The following IL1RAPL1 variants were observed in gnomAD, a reference collection of about 807,000 sequenced individuals.
IL1RAPL1 encodes interleukin 1 receptor accessory protein like 1.
IL1RAPL1 carries 3 observed loss-of-function variants against 48.4 expected under a neutral mutation model. That is an observed-to-expected ratio of 0.06 (90% CI 0.03 to 0.16). The LOEUF (loss-of-function observed/expected upper bound fraction) is 0.16. Among genes scored for constraint, IL1RAPL1 ranks in the 10% least tolerant of loss-of-function variants. The pLI is 1.00. For missense variants in IL1RAPL1, 349 were observed against 530.6 expected, an observed-to-expected ratio of 0.66 and a Z score of 3.36; for synonymous variants, 185 against 187.7, an observed-to-expected ratio of 0.99 and a Z score of 0.12.
chrX:29,558,934 C>G (rs190406741), intron 5 of IL1RAPL1, among the ~76,000 whole-genome samples: 44 of 111,312 alleles, frequency 4.0e-4, no homozygotes, highest in African/African-American at 1.2e-3. Flanking sequence ...TTTACTATAG[C>G]CTTGTAGTGT....
At position 29,321,248 on chromosome X, in the gene IL1RAPL1, TAG is replaced by T. The variant is rs760258666; in HGVS notation, c.362+38039_362+38040del. Among the ~76,000 whole-genome samples the T allele has an allele frequency of 1.6e-3, 177 of 111,488 alleles. 1 individual carries two copies. The highest frequency in any genetic ancestry group is 5.7e-3 in the African/African-American group (174 of 30,644). On this transcript the variant is annotated intron_variant, in intron 3 of 10. Transcript: ENST00000378993. ...AAATGGTTTTGTTCTTTCTAAAAGG[TAG>T]AGAGAGAATTTTGCCCACAGACAGA...
chrX:29,460,211 G>T (rs771570054), intron 5 of IL1RAPL1, among the ~76,000 whole-genome samples: 1 of 111,936 alleles, frequency 8.9e-6, no homozygotes, highest in Non-Finnish European at 1.9e-5. Flanking sequence ...AGATCCCTGT[G>T]CCCAGTGCTT....
chrX:29,608,553 G>C (rs554086164), intron 5 of IL1RAPL1, among the ~76,000 whole-genome samples: 16 of 111,465 alleles, frequency 1.4e-4, no homozygotes, highest in African/African-American at 4.9e-4. Flanking sequence ...GAGGCCGGGC[G>C]CGGTGGCTTA....
intron 5 of IL1RAPL1, among the ~76,000 whole-genome samples, chrX:29,525,525 A>C (rs780521368): frequency 1.8e-5 from 2 of 111,929 alleles, no homozygotes; most frequent in East Asian, 5.6e-4. Context: ...TGATCAGTCA[A>C]GTCTCTAATC....
intron 5 of IL1RAPL1, among the ~76,000 whole-genome samples, chrX:29,472,008 T>C (rs1361732504): frequency 2.7e-5 from 3 of 111,881 alleles, no homozygotes; most frequent in African/African-American, 9.8e-5. Context: ...TAGCCAGTCA[T>C]CTTGATAGAG....
intron 5 of IL1RAPL1, among the ~76,000 whole-genome samples, chrX:29,562,817 A>G (rs148138406): frequency 0.058 from 6,522 of 111,792 alleles, 185 homozygotes; most frequent in Middle Eastern, 0.094. Context: ...GTTAGTGGCA[A>G]TCATAAAAAC....
intron 6 of IL1RAPL1, among the ~76,000 whole-genome samples, chrX:29,836,197 T>C (rs1433557825): frequency 9.2e-5 from 3 of 32,667 alleles, no homozygotes; most frequent in Non-Finnish European, 3.4e-4. Context: ...TCTTTTTTTT[T>C]TTTTTTTTTT....
At chrX:29,296,085 A>AG (rs1932445530) in intron 3 of IL1RAPL1, among the ~76,000 whole-genome samples, 1 of 112,276 alleles carries the variant, frequency 8.9e-6, no homozygotes, top group South Asian at 3.7e-4. Flanking sequence ...GGAAGAAGTC[A>AG]GGCAGAGATG....
chrX:29,565,774 T>G (rs1424247985), intron 5 of IL1RAPL1, among the ~76,000 whole-genome samples: 2 of 111,946 alleles, frequency 1.8e-5, no homozygotes, highest in African/African-American at 6.5e-5. Context: ...CACAGAGATA[T>G]TATTTATTTT....
intron 1 of IL1RAPL1, among the ~76,000 whole-genome samples, chrX:28,617,974 A>G (rs1300669491): frequency 8.9e-6 from 1 of 112,099 alleles, no homozygotes; most frequent in Non-Finnish European, 1.9e-5. Context: ...TTGTAAGGCT[A>G]CTTAAAAGAT....
At chrX:29,558,756 A>G (rs1047587123) in intron 5 of IL1RAPL1, among the ~76,000 whole-genome samples, 1 of 111,854 alleles carries the variant, frequency 8.9e-6, no homozygotes, top group Non-Finnish European at 1.9e-5. Flanking sequence ...GAGTGTGGAT[A>G]TACAATTTTC....
At chrX:29,440,647 A>G (rs543324680) in intron 5 of IL1RAPL1, among the ~76,000 whole-genome samples, 2 of 112,445 alleles carry the variant, frequency 1.8e-5, no homozygotes, top group Admixed American at 9.4e-5. Flanking sequence ...GACATTTGAA[A>G]CACAATTACC....
At chrX:29,668,381 A>C in intron 5 of IL1RAPL1, 49 bp from the exon 6 acceptor site, 1 of 1,037,613 alleles carries the variant, frequency 9.6e-7, no homozygotes, top group Non-Finnish European at 1.4e-6. Context: ...TTTTAGTTTT[A>C]TGCAGCATAA....
At chrX:29,485,167 A>T (rs763629247) in intron 5 of IL1RAPL1, among the ~76,000 whole-genome samples, 2 of 112,380 alleles carry the variant, frequency 1.8e-5, no homozygotes, top group South Asian at 7.3e-4. Flanking sequence ...TAGAAAAATA[A>T]CCAAAATGAG....
At chrX:29,842,233 A>G (rs113578500) in intron 6 of IL1RAPL1, among the ~76,000 whole-genome samples, 172 of 112,211 alleles carry the variant, frequency 1.5e-3, no homozygotes, top group African/African-American at 5.3e-3. Context: ...ATGGCAATGT[A>G]CTCAAAAGAA....
chrX:29,098,681 T>C (rs1928267527), intron 2 of IL1RAPL1, among the ~76,000 whole-genome samples: 1 of 111,760 alleles, frequency 8.9e-6, no homozygotes, highest in African/African-American at 3.3e-5. Flanking sequence ...CCTGAGAGTT[T>C]GAGAAGCACT....
At position 29,955,964 on chromosome X, in the gene IL1RAPL1, G is replaced by GT; in HGVS notation, c.*150dup. 5.9e-6 allele frequency: 3 copies of GT among 509,507 alleles called. No individual in the cohort carries two copies. Among genetic ancestry groups the GT allele is most frequent in the Non-Finnish European group, 1.0e-5 (3 of 286,396 alleles). The allele number at this position is 509,507 out of a possible 1,213,427, so 42.0% of individuals were successfully genotyped here. Reference sequence around the variant, plus strand: ...AGGAAAAACAGGGTCTTGTACATATGTTTTTTGGAATTTCTTTGTAGCATC... The same window carrying GT: ...AGGAAAAACAGGGTCTTGTACATATGTTTTTTTGGAATTTCTTTGTAGCATC... On this transcript the variant is annotated 3_prime_UTR_variant, in exon 11 of 11. Coordinates refer to ENST00000378993, the MANE Select transcript of IL1RAPL1 (RefSeq NM_014271.4).
intron 6 of IL1RAPL1, among the ~76,000 whole-genome samples, chrX:29,727,660 G>C: frequency 9.0e-6 from 1 of 111,220 alleles, no homozygotes; most frequent in East Asian, 2.8e-4. Context: ...CCTTTCCCTT[G>C]ATGCTATATT....
At chrX:29,632,539 A>C (rs1924813827) in intron 5 of IL1RAPL1, among the ~76,000 whole-genome samples, 1 of 111,923 alleles carries the variant, frequency 8.9e-6, no homozygotes, top group Non-Finnish European at 1.9e-5. Flanking sequence ...ACATATAAAA[A>C]TTAAAATGTT....
Sources: gnomAD v4.1 joint callset for allele counts (sites outside exome capture counted in the v4.1 genomes callset) on GRCh38, gnomAD v4.1.1 for gene constraint, MANE v1.5 for transcripts, NCBI Gene and HGNC (gene_info 2026-07-23, HGNC 2026-07-21) for gene names.